Variants in STK3 observed in about 807,000 individuals in gnomAD.
STK3 encodes the protein serine/threonine kinase 3, also known as serine/threonine-protein kinase 3.
STK3 carries 41 observed loss-of-function variants against 58.0 expected under a neutral mutation model. The ratio of observed to expected loss-of-function variants is 0.71; its 90% CI spans 0.55 to 0.92. STK3 has a LOEUF of 0.92. STK3 is among the 40% of genes least tolerant of loss of function. STK3 has a pLI of 0.00. For synonymous variants in STK3, 170 were observed against 191.0 expected (o/e 0.89, Z 0.91); for missense variants, 479 against 602.7 (o/e 0.79, Z 2.15).
chr8:98,379,526 C>A (rs1351400383), intron 1 of STK3, among the ~76,000 whole-genome samples: 1 of 152,182 alleles, frequency 6.6e-6, no homozygotes, highest in South Asian at 2.1e-4. Context: ...TCTTGGTTTG[C>A]AATGACCTGT....
At position 98,413,649 on chromosome 8, in the gene STK3, G is replaced by A. The variant is rs370173970; in HGVS notation, n.484-12136C>T. ...GTCTGCCAGTTTCTCCTCACAAACC[G>A]TAGAAAAGCAGTTGAGGAACTCTAC... On this transcript the variant is annotated intron_variant and non_coding_transcript_variant, in intron 3 of 3. Coordinates refer to the STK3 transcript ENST00000517832. 9.2e-5 allele frequency: 73 copies of A among 791,668 alleles called. 1 individual carries two copies. In the East Asian group the frequency reaches 1.1e-3, roughly 11 times the overall value. 49.0% of individuals were successfully genotyped at this position (791,668 alleles called of 1,614,324 possible).
intron 1 of STK3, among the ~76,000 whole-genome samples, chr8:98,926,367 A>G (rs746605214): frequency 2.6e-5 from 4 of 152,214 alleles, no homozygotes; most frequent in Non-Finnish European, 5.9e-5. Flanking sequence ...AATGTGATTT[A>G]TTAGTCAGCT....
intron 10 of STK3, among the ~76,000 whole-genome samples, chr8:98,513,818 C>T (rs1178280110): frequency 6.6e-6 from 1 of 152,122 alleles, no homozygotes; most frequent in Admixed American, 6.6e-5. Flanking sequence ...GCAAGGGCTG[C>T]TGGTCAAACA....
rs1207498353 is a variant in STK3, at chr8:98,870,095, T to A, written c.110+13552A>T. 2.0e-5 allele frequency among the ~76,000 whole-genome samples: 3 copies of A among 152,162 alleles called. No homozygotes were observed. In the East Asian group the frequency reaches 5.8e-4, roughly 29 times the overall value. ...CACCTATGAGTGAGAACATGTGGTG[T>A]TTGGTTTTCTGTCCTTGTGAAAGTT... On this transcript the variant is annotated intron_variant, in intron 3 of 12. Coordinates refer to the STK3 transcript ENST00000523601.
intron 1 of STK3, among the ~76,000 whole-genome samples, chr8:98,819,634 C>A: frequency 6.6e-6 from 1 of 152,128 alleles, no homozygotes; most frequent in East Asian, 1.9e-4. Flanking sequence ...ATATTTTGTC[C>A]ACTTGCCTAC....
At chr8:98,504,824 T>A (rs1282007959) in intron 10 of STK3, among the ~76,000 whole-genome samples, 1 of 152,192 alleles carries the variant, frequency 6.6e-6, no homozygotes, top group African/African-American at 2.4e-5. Context: ...CCCTGAATAT[T>A]TTTTCCTTCA....
At chr8:98,579,825 GATTTTTCCGA>G (rs746290453) in intron 7 of STK3, 36 bp from the exon 8 acceptor site, 2 of 1,528,206 alleles carry the variant, frequency 1.3e-6, no homozygotes, top group African/African-American at 2.8e-5. Flanking sequence ...AAATTCAAAA[GATTTTTCCGA>G]ATTATAGCTA....
chr8:98,590,749 T>C (rs1394685072), intron 7 of STK3, among the ~76,000 whole-genome samples: 2 of 152,248 alleles, frequency 1.3e-5, no homozygotes, highest in African/African-American at 2.4e-5. Flanking sequence ...TTATCTCATG[T>C]AGAAAGCATG....
At chr8:98,682,032 A>T (rs2130901129) in intron 6 of STK3, among the ~76,000 whole-genome samples, 1 of 152,356 alleles carries the variant, frequency 6.6e-6, no homozygotes, top group East Asian at 1.9e-4. Flanking sequence ...CATAAATACC[A>T]CAGAACCTGA....
intron 3 of STK3, among the ~76,000 whole-genome samples, chr8:98,406,893 C>T (rs958794221): frequency 6.6e-6 from 1 of 152,122 alleles, no homozygotes; most frequent in African/African-American, 2.4e-5. Context: ...TACAGCAGCC[C>T]CCTTGAAAAT....
At chr8:98,887,028 C>T (rs919325738) in intron 1 of STK3, among the ~76,000 whole-genome samples, 1 of 151,954 alleles carries the variant, frequency 6.6e-6, no homozygotes, top group South Asian at 2.1e-4. Flanking sequence ...AACCAGGAGG[C>T]GGAGTTTGCA....
chr8:98,394,057 G>T (rs150986054), intron 3 of STK3, among the ~76,000 whole-genome samples: 1 of 152,318 alleles, frequency 6.6e-6, no homozygotes, highest in African/African-American at 2.4e-5. Flanking sequence ...GACAGGAAGG[G>T]ATGGGGGTGG....
At chr8:98,668,291 G>A (rs972697694) in intron 6 of STK3, among the ~76,000 whole-genome samples, 9 of 152,072 alleles carry the variant, frequency 5.9e-5, no homozygotes, top group Admixed American at 4.6e-4. Flanking sequence ...TAAACTTTTA[G>A]GGGCATTTAA....
At chr8:98,504,873 G>C (rs1052828100) in intron 10 of STK3, among the ~76,000 whole-genome samples, 5 of 152,114 alleles carry the variant, frequency 3.3e-5, no homozygotes, top group African/African-American at 1.2e-4. Flanking sequence ...GTGTCTTGGG[G>C]TTGCTCCTCT....
chr8:98,476,253 A>G lies in STK3; in HGVS notation c.1318-20253T>C, dbSNP rs79849188. Among the ~76,000 whole-genome samples, 19 of 152,334 alleles carry G rather than the reference A, an allele frequency of 1.2e-4. No individual in the cohort carries two copies. In the East Asian group the frequency reaches 3.7e-3, roughly 29 times the overall value. On this transcript the variant is annotated intron_variant, in intron 10 of 10. Transcript: ENST00000419617. ...GAATCAGGCTGTGATTTGCTTACAG[A>G]TATGAAATCTTGGGAGCAACTCAGT...
chr8:98,916,807 T>C lies in STK3; in HGVS notation c.-79+25571A>G, dbSNP rs145310409. On this transcript the variant is annotated intron_variant, in intron 1 of 1. Transcript: ENST00000519420. ...TAAGATATTTTTAGTTTGGGAATAG[T>C]TCTAAGTAGAAAATAAACAGAGCAA... 3.4e-3 allele frequency among the ~76,000 whole-genome samples: 524 copies of C among 152,294 alleles called. 2 individuals are homozygous for C. The highest frequency in any genetic ancestry group is 0.012 in the African/African-American group (501 of 41,544).
chr8:98,822,053 T>TAC (rs773942816), intron 1 of STK3, among the ~76,000 whole-genome samples: 449 of 150,326 alleles, frequency 3.0e-3, no homozygotes, highest in Middle Eastern at 0.014. Flanking sequence ...CACACATACA[T>TAC]ACACACACAC....
intron 10 of STK3, among the ~76,000 whole-genome samples, chr8:98,519,776 G>A (rs1470287055): frequency 6.6e-6 from 1 of 152,008 alleles, no homozygotes; most frequent in Admixed American, 6.6e-5. Flanking sequence ...GGATTCTTGT[G>A]TCCCTTAGCT....
intron 1 of STK3, among the ~76,000 whole-genome samples, chr8:98,909,484 G>A (rs982621595): frequency 1.3e-5 from 2 of 152,082 alleles, no homozygotes; most frequent in African/African-American, 2.4e-5. Flanking sequence ...AGAAATCTCC[G>A]TAATCTTTAA....
Sources: allele counts gnomAD v4.1 joint callset (sites outside exome capture counted in the v4.1 genomes callset), GRCh38; gene constraint gnomAD v4.1.1; transcripts MANE v1.5; gene names NCBI Gene and HGNC (gene_info 2026-07-23, HGNC 2026-07-21).